DEDD2: variants seen among roughly 807,000 people sequenced by gnomAD.
DEDD2 encodes death effector domain containing 2, also known as DNA-binding death effector domain-containing protein 2.
Under a neutral mutation model 28.9 loss-of-function variants are expected in DEDD2, and 18 were observed. The ratio of observed to expected loss-of-function variants is 0.62; its 90% CI spans 0.43 to 0.92. The LOEUF (loss-of-function observed/expected upper bound fraction) is 0.92. Among genes scored for constraint, DEDD2 ranks in the 40% least tolerant of loss-of-function variants. The pLI is 0.00. For missense variants in DEDD2, 411 were observed against 463.3 expected (o/e 0.89, Z 1.04); for synonymous variants, 211 against 206.1 (o/e 1.02, Z -0.20).
intron 4 of DEDD2, 107 bp downstream of exon 4, chr19:42,209,593 C>T (rs1181785585): frequency 2.8e-6 from 4 of 1,441,054 alleles, no homozygotes; most frequent in African/African-American, 1.5e-5. Flanking sequence ...AGAGCTGACA[C>T]CCATCTGCCA....
chr19:42,213,591 A>C (rs1418485316), intron 3 of DEDD2, among the ~76,000 whole-genome samples: 2 of 152,214 alleles, frequency 1.3e-5, no homozygotes, highest in African/African-American at 4.8e-5. Context: ...AAAGATGTAT[A>C]AACTGAATCT....
Position 42,215,238 on chromosome 19 carries a change from A to G in DEDD2, c.343T>C (p.Tyr115His), listed in dbSNP as rs1419991839. Residue 115 changes from tyrosine (Y) to histidine (H), a missense_variant, in exon 3 of 5, where the codon TAT becomes CAT. By Grantham distance (83) the Tyr-to-His change is moderately conservative. Coordinates refer to ENST00000596251, the MANE Select transcript of DEDD2 (RefSeq NM_133328.4). ...GAAGAGCTGGAGGTGCCATAGCTAT[A>G]GCGTTCTGGAGACACTGGAGGAAGA... ...KRRRPVSPER[Y>H]SYGTSSSSKR... The G allele has an allele frequency of 4.3e-6, 7 of 1,614,098 alleles. No individual in the cohort carries two copies. Among genetic ancestry groups the G allele is most frequent in the African/African-American group, 1.3e-5 (1 of 75,032 alleles).
chr19:42,199,181 G>C lies in DEDD2; in HGVS notation c.*257C>G, dbSNP rs555130493. The C allele has an allele frequency of 3.6e-6, 2 of 550,990 alleles. No homozygotes were observed. Among genetic ancestry groups the C allele is most frequent in the South Asian group, 2.4e-5 (1 of 41,032 alleles). 34.1% of individuals were successfully genotyped at this position (550,990 alleles called of 1,614,324 possible). A position where few individuals can be genotyped will look rare whatever the true frequency, so the allele number is the denominator to read the frequency against. On this transcript the variant is annotated 3_prime_UTR_variant, in exon 5 of 5. Coordinates refer to ENST00000596251, the MANE Select transcript of DEDD2 (RefSeq NM_133328.4). The surrounding 1 kb of genome is among the most constrained non-coding windows in gnomAD (Gnocchi z 7.4). ...CTGTGCCCCTCCCTTCTGAGATACA[G>C]GCCCAGCCCCCGCCTCCGGAGGCTA...
At position 42,199,165 on chromosome 19, in the gene DEDD2, T is replaced by C; in HGVS notation, c.*273A>G. 1 of 518,084 alleles carries C rather than the reference T, an allele frequency of 1.9e-6. No individual in the cohort carries two copies. The highest frequency in any genetic ancestry group is 3.4e-6 in the Non-Finnish European group (1 of 291,258). The allele number at this position is 518,084 out of a possible 1,614,324, so 32.1% of individuals were successfully genotyped here. ...TTTGGTGAGTGTGTAGCTGTGCCCC[T>C]CCCTTCTGAGATACAGGCCCAGCCC... On this transcript the variant is annotated 3_prime_UTR_variant, in exon 5 of 5. Coordinates refer to ENST00000596251, the MANE Select transcript of DEDD2 (RefSeq NM_133328.4). The surrounding 1 kb of genome is among the most constrained non-coding windows in gnomAD (Gnocchi z 7.4).
intron 3 of DEDD2, among the ~76,000 whole-genome samples, chr19:42,213,593 A>G (rs1410682402): frequency 6.6e-6 from 1 of 152,210 alleles, no homozygotes; most frequent in Non-Finnish European, 1.5e-5. Flanking sequence ...AGATGTATAA[A>G]CTGAATCTAA....
chr19:42,212,217 T>C (rs1568450675), intron 3 of DEDD2, among the ~76,000 whole-genome samples: 2 of 150,696 alleles, frequency 1.3e-5, no homozygotes, highest in Admixed American at 6.6e-5. Context: ...AATACAAAAA[T>C]CAGCTGGATA....
At chr19:42,219,277 C>G (rs1306106458), upstream of DEDD2, among the ~76,000 whole-genome samples, 1 of 150,664 alleles carries the variant, frequency 6.6e-6, no homozygotes, top group Admixed American at 6.7e-5. Flanking sequence ...GCACTCCAGT[C>G]CGGGCAACAA....
chr19:42,216,730 A>T lies in DEDD2; in HGVS notation c.278T>A (p.Leu93Gln), dbSNP rs2035987253. Reference protein sequence around the residue: ...LRLLGQLLRVLARHDLLPHLA... With the variant: ...LRLLGQLLRVQARHDLLPHLA... ...GTGCGGCAGCAGGTCGTGGCGGGCC[A>T]GCACGCGCAGGAGTTGCCCCAGCAG... Residue 93 changes from leucine (L) to glutamine (Q), a missense_variant, in exon 2 of 5, where the codon CTG becomes CAG. Leu to Gln is a moderately radical substitution (Grantham distance 113). This residue lies in a region of DEDD2 where 282 missense variants were observed against 273.4 expected (regional missense o/e 1.03). Coordinates refer to ENST00000596251, the MANE Select transcript of DEDD2 (RefSeq NM_133328.4). The T allele has an allele frequency of 6.3e-7, 1 of 1,591,012 alleles. No individual in the cohort carries two copies. Among genetic ancestry groups the T allele is most frequent in the Non-Finnish European group, 8.5e-7 (1 of 1,171,524 alleles).
intron 3 of DEDD2, among the ~76,000 whole-genome samples, chr19:42,213,210 T>G (rs2035834880): frequency 6.6e-6 from 1 of 152,108 alleles, no homozygotes; most frequent in African/African-American, 2.4e-5. Context: ...GTAAATAGTG[T>G]ATGGGTCTAT....
intron 3 of DEDD2, among the ~76,000 whole-genome samples, chr19:42,212,416 C>T (rs1037987663): frequency 5.3e-5 from 8 of 150,710 alleles, no homozygotes; most frequent in East Asian, 1.9e-4. Flanking sequence ...GTGGGGATCT[C>T]GTTCTGTTGC....
In DEDD2 at chr19:42,217,035, C is replaced by A; in HGVS notation, c.-28G>T. ...CCGGGGGAGGGAGGCGGAACAAGCT[C>A]AGAACCCGGCCTAGAACCCACACAG... On this transcript the variant is annotated 5_prime_UTR_variant, in exon 2 of 5. Transcript: ENST00000596251. 1 of 1,556,094 alleles carries A rather than the reference C, an allele frequency of 6.4e-7. No homozygotes were observed. The highest frequency in any genetic ancestry group is 1.2e-5 in the South Asian group (1 of 84,682).
At chr19:42,209,639 C>T (rs1037817223) in intron 4 of DEDD2, 61 bp downstream of exon 4, 5 of 1,521,660 alleles carry the variant, frequency 3.3e-6, no homozygotes, top group Non-Finnish European at 3.5e-6. Flanking sequence ...GCTCATTTCT[C>T]CCACCCTCTG....
chr19:42,209,613 C>T, intron 4 of DEDD2, 87 bp downstream of exon 4: 5 of 1,494,416 alleles, frequency 3.3e-6, no homozygotes, highest in Non-Finnish European at 4.5e-6. Context: ...AAGTGTGTCA[C>T]ATCCCCCAGA....
chr19:42,215,084 C>G, intron 3 of DEDD2, 49 bp downstream of exon 3: 1 of 1,607,870 alleles, frequency 6.2e-7, no homozygotes, highest in South Asian at 1.1e-5. Context: ...GGGCACAATT[C>G]ATAAGGAAAA....
Position 42,199,290 on chromosome 19 carries a change from GAGGGGCTGTCA to G in DEDD2, c.*137_*147del. Reference sequence around the variant, plus strand: ...AGGCCTCAGAGCCCACATCCTGTGGGAGGGGCTGTCAAGGGGCCTGCTGTCCCGGTCCTGTC... The same window carrying G: ...AGGCCTCAGAGCCCACATCCTGTGGGAGGGGCCTGCTGTCCCGGTCCTGTC... On this transcript the variant is annotated 3_prime_UTR_variant, in exon 5 of 5. Coordinates refer to ENST00000596251, the MANE Select transcript of DEDD2 (RefSeq NM_133328.4). This position sits in a 1 kb window ranked among gnomAD's most constrained non-coding sequence, Gnocchi z 7.4. The G allele has an allele frequency of 8.4e-7, 1 of 1,190,126 alleles. No homozygotes were observed. The highest frequency in any genetic ancestry group is 1.1e-6 in the Non-Finnish European group (1 of 877,874). The allele number at this position is 1,190,126 out of a possible 1,614,324, so 73.7% of individuals were successfully genotyped here. A position where few individuals can be genotyped will look rare whatever the true frequency, so the allele number is the denominator to read the frequency against.
At chr19:42,215,052 C>T (rs763248186) in intron 3 of DEDD2, 81 bp downstream of exon 3, 4 of 1,564,160 alleles carry the variant, frequency 2.6e-6, no homozygotes, top group South Asian at 1.2e-5. Context: ...GACAGAATAA[C>T]CCCTCAGGCC....
At position 42,199,407 on chromosome 19, in the gene DEDD2, TG is replaced by T; in HGVS notation, c.*30del. Reference sequence around the variant, plus strand: ...CCCAGGAGAAGGTGGCCCGGAGACTTGGAGGTGGGATCAATCCTGCCAGTCC... The same window carrying T: ...CCCAGGAGAAGGTGGCCCGGAGACTTGAGGTGGGATCAATCCTGCCAGTCC... On this transcript the variant is annotated 3_prime_UTR_variant, in exon 5 of 5. Coordinates refer to ENST00000596251, the MANE Select transcript of DEDD2 (RefSeq NM_133328.4). This position sits in a 1 kb window ranked among gnomAD's most constrained non-coding sequence, Gnocchi z 7.4. The T allele has an allele frequency of 6.5e-7, 1 of 1,543,130 alleles. No homozygotes were observed. Among genetic ancestry groups the T allele is most frequent in the Non-Finnish European group, 8.7e-7 (1 of 1,151,106 alleles).
At chr19:42,210,528 G>A (rs2035715439) in intron 3 of DEDD2, among the ~76,000 whole-genome samples, 1 of 151,904 alleles carries the variant, frequency 6.6e-6, no homozygotes, top group South Asian at 2.1e-4. Context: ...CAAGTAACCG[G>A]GATTACAGGT....
chr19:42,212,450 C>G (rs970492896), intron 3 of DEDD2, among the ~76,000 whole-genome samples: 11 of 151,704 alleles, frequency 7.3e-5, no homozygotes, highest in Admixed American at 4.6e-4. Context: ...CAGTGGCATG[C>G]CACCACACCC....
Sources: gnomAD v4.1 joint callset for allele counts (sites outside exome capture counted in the v4.1 genomes callset) on GRCh38, gnomAD v4.1.1 for gene constraint, gnomAD v4.1.1 regional missense constraint, Gnocchi (gnomAD v3.1) non-coding constraint, MANE v1.5 for transcripts, NCBI Gene and HGNC (gene_info 2026-07-23, HGNC 2026-07-21) for gene names.